The following RHOU variants were observed in gnomAD, a reference collection of about 807,000 sequenced individuals.
The protein encoded by RHOU is rho-related GTP-binding protein RhoU.
RHOU carries 8 observed loss-of-function variants against 12.6 expected under a neutral mutation model. The observed-to-expected ratio is 0.64, with a 90% CI of 0.37 to 1.15. The LOEUF is 1.15. Ranked by LOEUF, RHOU falls within the 50% of genes most tolerant of loss-of-function variation. The pLI is 0.01. For synonymous variants in RHOU, 161 were observed against 147.4 expected (o/e 1.09, Z -0.67); for missense variants, 258 against 347.0 (o/e 0.74, Z 2.04).
At chr1:228,682,147 G>A in the RHOU span, among the ~76,000 whole-genome samples, 3 of 152,354 alleles carry the variant, frequency 2.0e-5, no homozygotes, top group Admixed American at 6.5e-5. Context: ...ACTGGACTTG[G>A]AAGGACAGGG....
the RHOU span, among the ~76,000 whole-genome samples, chr1:228,712,982 G>A: frequency 4.0e-5 from 6 of 151,696 alleles, no homozygotes; most frequent in South Asian, 2.1e-4. Context: ...TAAAGGTATC[G>A]ATTAATTTCT....
chr1:228,687,872 T>C, the RHOU span: 1 of 935,226 alleles, frequency 1.1e-6, no homozygotes, highest in East Asian at 2.4e-5. Context: ...ACTTCCCTGG[T>C]CACCAAGAGT....
chr1:228,695,791 GATTCATTATGT>G, the RHOU span, among the ~76,000 whole-genome samples: 1 of 152,154 alleles, frequency 6.6e-6, no homozygotes, highest in South Asian at 2.1e-4. Flanking sequence ...TTTTATGGAG[GATTCATTATGT>G]GGGCGTGATT....
the RHOU span, among the ~76,000 whole-genome samples, chr1:228,706,325 A>G: frequency 6.6e-6 from 1 of 152,182 alleles, no homozygotes; most frequent in African/African-American, 2.4e-5. Flanking sequence ...TGATTCATGA[A>G]TTGGGTTGCC....
chr1:228,743,389 A>G lies in RHOU; in HGVS notation c.426A>G (p.Lys142=), dbSNP rs1662762996. The change falls in exon 3 of 3, where the codon AAA becomes AAG. Residue 142 remains lysine (K), a synonymous_variant. Coordinates refer to ENST00000366691, the MANE Select transcript of RHOU (RefSeq NM_021205.6). This position sits in a 1 kb window ranked among gnomAD's most constrained non-coding sequence, Gnocchi z 5.1. ...SPSSFQNVSE[K]WVPEIRCHCP... The stretch of plus-strand genomic sequence containing the variant: ...CATCCTTCCAGAACGTCAGTGAGAA[A>G]TGGGTGCCGGAGATTCGATGCCACT... 3.7e-6 allele frequency: 6 copies of G among 1,614,204 alleles called. No homozygotes were observed. Among genetic ancestry groups the G allele is most frequent in the Non-Finnish European group, 5.1e-6 (6 of 1,180,032 alleles).
chr1:228,669,485 A>G, the RHOU span, among the ~76,000 whole-genome samples: 1 of 152,182 alleles, frequency 6.6e-6, no homozygotes, highest in Non-Finnish European at 1.5e-5. Context: ...TTTTCTTCTG[A>G]GAGCCAGCAC....
chr1:228,719,555 C>T, the RHOU span, among the ~76,000 whole-genome samples: 1 of 152,058 alleles, frequency 6.6e-6, no homozygotes, highest in East Asian at 1.9e-4. Context: ...CATGGTGAAA[C>T]CCCACCTCTA....
At chr1:228,685,809 G>A in the RHOU span, among the ~76,000 whole-genome samples, 1 of 152,128 alleles carries the variant, frequency 6.6e-6, no homozygotes, top group Admixed American at 6.5e-5. Flanking sequence ...TTAATCAGTA[G>A]CATTTGACAC....
At chr1:228,731,005 CT>C (rs1378660799), upstream of RHOU, among the ~76,000 whole-genome samples, 1 of 152,076 alleles carries the variant, frequency 6.6e-6, no homozygotes, top group East Asian at 1.9e-4. Flanking sequence ...CTATTAGGAC[CT>C]TTTTTTCTTT....
chr1:228,656,399 T>G, the RHOU span, among the ~76,000 whole-genome samples: 738 of 152,366 alleles, frequency 4.8e-3, 4 homozygotes, highest in Non-Finnish European at 7.9e-3. Flanking sequence ...TTTGTTTTCT[T>G]TCTTTTTAAA....
At chr1:228,699,290 TA>T in the RHOU span, among the ~76,000 whole-genome samples, 22 of 149,322 alleles carry the variant, frequency 1.5e-4, no homozygotes, top group African/African-American at 5.2e-4. Flanking sequence ...CTACAAAAAA[TA>T]AAAAAAATTA....
At chr1:228,683,780 C>T in the RHOU span, among the ~76,000 whole-genome samples, 2 of 152,204 alleles carry the variant, frequency 1.3e-5, no homozygotes, top group Non-Finnish European at 2.9e-5. Flanking sequence ...TTCAGGAGGT[C>T]CTAAGAAACT....
At chr1:228,710,106 C>T in the RHOU span, among the ~76,000 whole-genome samples, 3 of 152,104 alleles carry the variant, frequency 2.0e-5, no homozygotes, top group East Asian at 5.8e-4. Flanking sequence ...CAGGACTAAA[C>T]CAGGAAGAAG....
chr1:228,691,740 G>T, the RHOU span, among the ~76,000 whole-genome samples: 1 of 152,146 alleles, frequency 6.6e-6, no homozygotes, highest in Non-Finnish European at 1.5e-5. Context: ...CATAAGTTTT[G>T]CAGGCTATAA....
the RHOU span, among the ~76,000 whole-genome samples, chr1:228,700,318 G>A: frequency 6.6e-6 from 1 of 152,182 alleles, no homozygotes; most frequent in Non-Finnish European, 1.5e-5. Context: ...ATCTGGCAAA[G>A]TATTTTCTTG....
At chr1:228,685,573 T>G in the RHOU span, among the ~76,000 whole-genome samples, 2 of 152,208 alleles carry the variant, frequency 1.3e-5, no homozygotes, top group Non-Finnish European at 2.9e-5. Context: ...ATTGAGCATT[T>G]GGAGCCAGAG....
At chr1:228,716,959 A>G in the RHOU span, among the ~76,000 whole-genome samples, 1 of 152,104 alleles carries the variant, frequency 6.6e-6, no homozygotes, top group Non-Finnish European at 1.5e-5. Context: ...TGACAAAGAG[A>G]GTTCATTTTT....
chr1:228,715,960 C>A, the RHOU span, among the ~76,000 whole-genome samples: 2 of 150,212 alleles, frequency 1.3e-5, no homozygotes, highest in African/African-American at 4.9e-5. Context: ...TGTCACTCAG[C>A]CTGGAGTGCA....
chr1:228,650,731 C>T, the RHOU span: 14 of 460,176 alleles, frequency 3.0e-5, no homozygotes, highest in Non-Finnish European at 6.0e-5. Context: ...ACATCAACTA[C>T]AGGCCAGCTT....
Sources: allele counts gnomAD v4.1 joint callset (sites outside exome capture counted in the v4.1 genomes callset), GRCh38; gene constraint gnomAD v4.1.1; non-coding constraint Gnocchi (gnomAD v3.1); transcripts MANE v1.5; gene names NCBI Gene and HGNC (gene_info 2026-07-23, HGNC 2026-07-21).